The following ARHGAP23 variants were observed in gnomAD, a reference collection of about 807,000 sequenced individuals.
ARHGAP23 encodes the protein rho GTPase-activating protein 23.
In ARHGAP23, 34 loss-of-function variants were observed where a neutral mutation model predicts 136.3. The ratio of observed to expected loss-of-function variants is 0.25; its 90% CI spans 0.19 to 0.33. ARHGAP23 has a LOEUF of 0.33. ARHGAP23 is among the 10% of genes least tolerant of loss of function. The probability of loss-of-function intolerance (pLI) is 1.00; values close to 1 mark genes in which losing one functional copy is unlikely to be tolerated. For synonymous variants in ARHGAP23, 832 were observed against 920.5 expected (o/e 0.90, Z 1.74); for missense variants, 1,808 against 2,139.0 (o/e 0.85, Z 3.05).
chr17:38,471,895 T>C lies in ARHGAP23; in HGVS notation c.2007T>C (p.Ala669=), dbSNP rs1426763112. Residue 669 remains alanine (A), a synonymous_variant, in exon 11 of 24, where the codon GCT becomes GCC. Coordinates refer to ENST00000622683, the MANE Select transcript of ARHGAP23 (RefSeq NM_001199417.2). The part of the protein sequence containing the change: ...SLDSWGTSED[A]DAPSKRHSTS... ...ATAGCTGGGGCACCTCTGAAGATGC[T>C]GACGCTCCTTCTAAGCGACACTCAA... 6.5e-7 allele frequency: 1 copy of C among 1,549,076 alleles called. No individual in the cohort carries two copies. The highest frequency in any genetic ancestry group is 2.4e-5 in the East Asian group (1 of 40,922).
At chr17:38,469,011 A>T in intron 7 of ARHGAP23, 133 bp from the exon 8 acceptor site, 1 of 914,028 alleles carries the variant, frequency 1.1e-6, no homozygotes, top group South Asian at 1.8e-5. Context: ...GACAGTGGGC[A>T]TGTTGCCAGC....
intron 1 of ARHGAP23, among the ~76,000 whole-genome samples, chr17:38,455,089 A>G (rs1224426858): frequency 2.0e-5 from 3 of 152,186 alleles, no homozygotes; most frequent in Admixed American, 6.5e-5. Flanking sequence ...GTTGTTATCA[A>G]TGGCTCCTTC....
rs1179663707 is a variant in ARHGAP23, at chr17:38,497,818, G to A, written c.3310G>A (p.Gly1104Arg). The A allele has an allele frequency of 6.4e-7, 1 of 1,551,360 alleles. No individual in the cohort carries two copies. The highest frequency in any genetic ancestry group is 1.4e-5 in the African/African-American group (1 of 73,158). The stretch of plus-strand genomic sequence containing the variant: ...GTTCTTCAGTGACGAAGAGGACAAG[G>A]GAGAGAGAGTAAGTGATGCCGCGGG... Reference protein sequence around the residue: ...DWFFSDEEDKGERTPVGDKEP... With the variant: ...DWFFSDEEDKRERTPVGDKEP... The change falls in exon 21 of 24, where the codon GGA becomes AGA. Residue 1104 changes from glycine (G) to arginine (R), a missense_variant. This residue lies in a region of ARHGAP23 where 104 missense variants were observed against 131.8 expected (regional missense o/e 0.79). Coordinates refer to ENST00000622683, the MANE Select transcript of ARHGAP23 (RefSeq NM_001199417.2).
intron 6 of ARHGAP23, among the ~76,000 whole-genome samples, 188 bp from the exon 7 acceptor site, chr17:38,465,979 T>C (rs2039580946): frequency 6.6e-6 from 1 of 151,960 alleles, no homozygotes; most frequent in African/African-American, 2.4e-5. Flanking sequence ...GGCTTCTTGC[T>C]TCTTCTTTGT....
intron 6 of ARHGAP23, among the ~76,000 whole-genome samples, chr17:38,465,795 G>A (rs781147875): frequency 6.8e-6 from 1 of 147,564 alleles, no homozygotes; most frequent in Non-Finnish European, 1.5e-5. Context: ...GGGGTTTTCC[G>A]GCTCCACCCG....
At chr17:38,425,067 C>T (rs1039950795), upstream of ARHGAP23, among the ~76,000 whole-genome samples, 2 of 152,202 alleles carry the variant, frequency 1.3e-5, no homozygotes. Context: ...GCCCTCCATT[C>T]CTGTTCCCGT....
intron 1 of ARHGAP23, among the ~76,000 whole-genome samples, chr17:38,438,021 G>A (rs1411010468): frequency 6.6e-6 from 1 of 152,100 alleles, no homozygotes; most frequent in Non-Finnish European, 1.5e-5. Flanking sequence ...GCTTGCCAAA[G>A]CTTGAAAGAT....
chr17:38,462,045 C>T (rs180903530), intron 3 of ARHGAP23, among the ~76,000 whole-genome samples: 27 of 151,928 alleles, frequency 1.8e-4, no homozygotes, highest in African/African-American at 5.1e-4. Context: ...CTCCACCTCC[C>T]GGGTTCAAGC....
chr17:38,466,769 C>G lies in ARHGAP23; in HGVS notation c.1086C>G (p.Ala362=), dbSNP rs1044802095. Reference sequence around the variant, plus strand: ...ACTTGAGCCGGGCCACCCGTTCTGCCGAGGCACTGGGGCCAGGGGCACTGG... The same window carrying G: ...ACTTGAGCCGGGCCACCCGTTCTGCGGAGGCACTGGGGCCAGGGGCACTGG... ...DDYLSRATRS[A]EALGPGALVS... Residue 362 remains alanine, a synonymous_variant, in exon 7 of 24, where the codon GCC becomes GCG. Transcript: ENST00000622683. 2 of 1,548,938 alleles carry G rather than the reference C, an allele frequency of 1.3e-6. No individual in the cohort carries two copies. The highest frequency in any genetic ancestry group is 1.4e-5 in the African/African-American group (1 of 73,008).
intron 23 of ARHGAP23, among the ~76,000 whole-genome samples, chr17:38,503,225 G>T (rs2040559379): frequency 6.6e-6 from 1 of 152,204 alleles, no homozygotes. Context: ...AGAGGGAGGT[G>T]GCAGGGGCAC....
In ARHGAP23 at chr17:38,511,001, AC is replaced by A. The variant is rs1447385242; in HGVS notation, c.*33del. 4 of 1,398,882 alleles carry A rather than the reference AC, an allele frequency of 2.9e-6. No homozygotes were observed. The highest frequency in any genetic ancestry group is 3.7e-6 in the Non-Finnish European group (4 of 1,090,160). The allele number at this position is 1,398,882 out of a possible 1,614,324, so 86.7% of individuals were successfully genotyped here. A position where few individuals can be genotyped will look rare whatever the true frequency, so the allele number is the denominator to read the frequency against. On this transcript the variant is annotated 3_prime_UTR_variant, in exon 24 of 24. Coordinates refer to ENST00000622683, the MANE Select transcript of ARHGAP23 (RefSeq NM_001199417.2). The stretch of plus-strand genomic sequence containing the variant: ...CCACCTCCCGCGCCGCTCGGGCGCC[AC>A]CCCTCCCTAGAGCCCCTTTGGAACC...
intron 11 of ARHGAP23, among the ~76,000 whole-genome samples, chr17:38,474,680 C>G (rs1042938353): frequency 6.6e-6 from 1 of 152,162 alleles, no homozygotes; most frequent in Non-Finnish European, 1.5e-5. Context: ...TGTCTGTCAG[C>G]ACCGACGAGT....
chr17:38,507,931 G>A (rs1327340219), intron 23 of ARHGAP23, among the ~76,000 whole-genome samples: 1 of 152,266 alleles, frequency 6.6e-6, no homozygotes, highest in Non-Finnish European at 1.5e-5. Context: ...GGTGGTCTGT[G>A]AGGAGGGGTT....
In ARHGAP23 at chr17:38,458,087, C is replaced by G. The variant is rs947528692; in HGVS notation, c.64-15C>G. 5 of 1,535,922 alleles carry G rather than the reference C, an allele frequency of 3.3e-6. No individual in the cohort carries two copies. Among genetic ancestry groups the G allele is most frequent in the Non-Finnish European group, 3.5e-6 (4 of 1,146,848 alleles). ...GCCACACGGGCGCTCAGCCTGGCCTCTCTGTCTCCCACAGCTGCCACTGGG... is the reference window on the plus strand; with the variant it reads ...GCCACACGGGCGCTCAGCCTGGCCTGTCTGTCTCCCACAGCTGCCACTGGG... On this transcript the variant is annotated splice_polypyrimidine_tract_variant and intron_variant, in intron 1 of 23. Coordinates refer to ENST00000622683, the MANE Select transcript of ARHGAP23 (RefSeq NM_001199417.2).
intron 1 of ARHGAP23, among the ~76,000 whole-genome samples, chr17:38,454,314 G>T (rs933808239): frequency 2.6e-5 from 4 of 152,180 alleles, no homozygotes; most frequent in Non-Finnish European, 5.9e-5. Flanking sequence ...AGGGTGGCAG[G>T]ATTTGTGGCT....
upstream of ARHGAP23, among the ~76,000 whole-genome samples, chr17:38,425,823 G>A (rs1447651546): frequency 6.6e-6 from 1 of 152,078 alleles, no homozygotes; most frequent in Non-Finnish European, 1.5e-5. Flanking sequence ...GATGAGGTGG[G>A]CTGGGACAGG....
At chr17:38,458,040 G>A in intron 1 of ARHGAP23, 62 bp from the exon 2 acceptor site, 2 of 1,525,300 alleles carry the variant, frequency 1.3e-6, no homozygotes, top group Non-Finnish European at 8.8e-7. Context: ...GCAGGAGGTG[G>A]TGCAAACAGC....
chr17:38,482,696 G>A lies in ARHGAP23; in HGVS notation c.2907+18G>A, dbSNP rs1004152407. 1.6e-5 allele frequency: 24 copies of A among 1,542,014 alleles called. No individual in the cohort carries two copies. Among genetic ancestry groups the A allele is most frequent in the Middle Eastern group, 2.3e-4 (1 of 4,374 alleles). ...AGGATGAGGTGGGTGAAGCTGGGGG[G>A]TCTGTGGAAGAGGGGCTGAGATGGT... is the stretch of plus-strand genomic sequence containing the variant. On this transcript the variant is annotated intron_variant, in intron 16 of 23. Coordinates refer to ENST00000622683, the MANE Select transcript of ARHGAP23 (RefSeq NM_001199417.2).
At chr17:38,486,536 C>CTT (rs34888986) in intron 17 of ARHGAP23, among the ~76,000 whole-genome samples, 7,185 of 125,734 alleles carry the variant, frequency 0.057, 281 homozygotes, top group Non-Finnish European at 0.074. Flanking sequence ...ACCACGCTGG[C>CTT]TTTTTTTTTT....
Sources: allele counts gnomAD v4.1 joint callset (sites outside exome capture counted in the v4.1 genomes callset), GRCh38; gene constraint gnomAD v4.1.1; regional missense constraint gnomAD v4.1.1; transcripts MANE v1.5; gene names NCBI Gene and HGNC (gene_info 2026-07-23, HGNC 2026-07-21).